NDRG2: variants seen among roughly 807,000 people sequenced by gnomAD.
NDRG2 encodes NDRG family member 2.
NDRG2 carries 34 observed loss-of-function variants against 58.2 expected under a neutral mutation model. That is an observed-to-expected ratio of 0.58 (90% CI 0.44 to 0.78). The LOEUF (loss-of-function observed/expected upper bound fraction) is 0.78. Among genes scored for constraint, NDRG2 ranks in the 30% least tolerant of loss-of-function variants. NDRG2 has a pLI of 0.00. For synonymous variants in NDRG2, 187 were observed against 175.9 expected (o/e 1.06, Z -0.50); for missense variants, 434 against 471.2 (o/e 0.92, Z 0.73).
rs762725656 is a variant in NDRG2 at position 21,022,413 on chromosome 14, A to G, written c.202T>C (p.Tyr68His). The G allele has an allele frequency of 6.2e-7, 1 of 1,613,770 alleles. No homozygotes were observed. Among genetic ancestry groups the G allele is most frequent in the Non-Finnish European group, 8.5e-7 (1 of 1,179,720 alleles). ...PKPKRPAILT[Y>H]HDVGLNYKSC... ...TTACAGTTGAGTCCCACATCGTGGTAGGTAAGGATCGCTGGGCGTTTGGGT... is the reference window on the plus strand; with the variant it reads ...TTACAGTTGAGTCCCACATCGTGGTGGGTAAGGATCGCTGGGCGTTTGGGT... Residue 68 changes from tyrosine to histidine, a missense_variant, in exon 4 of 16, where the codon TAC becomes CAC. Transcript: ENST00000556147.
chr14:21,018,567 G>T (rs1878236821), intron 12 of NDRG2, 63 bp from the exon 13 acceptor site: 5 of 1,592,382 alleles, frequency 3.1e-6, no homozygotes, highest in Non-Finnish European at 4.3e-6. Flanking sequence ...CCCCGTAAGG[G>T]ACCCAGGAAC....
intron 1 of NDRG2, among the ~76,000 whole-genome samples, chr14:21,041,099 T>C (rs1317461896): frequency 1.3e-5 from 2 of 152,090 alleles, no homozygotes; most frequent in Non-Finnish European, 2.9e-5. Flanking sequence ...GCTCAAGCAA[T>C]CCTCCCTCCT....
At position 21,022,154 on chromosome 14, in the gene NDRG2, C is replaced by T. The variant is rs1406160975; in HGVS notation, c.252G>A (p.Gln84=). Residue 84 remains glutamine, a synonymous_variant, in exon 5 of 16, where the codon CAG becomes CAA. Coordinates refer to ENST00000556147, the MANE Select transcript of NDRG2 (RefSeq NM_001320329.2). ...NYKSCFQPLF[Q]FEDMQEIIQN... is the part of the protein sequence containing the mutation. ...GAATGATTTCCTGCATGTCCTCGAA[C>T]TGAAACAGTGGCTGGAAGCAAGATT... is the stretch of plus-strand genomic sequence containing the variant. 1.9e-6 allele frequency: 3 copies of T among 1,614,074 alleles called. No homozygotes were observed. The highest frequency in any genetic ancestry group is 1.7e-6 in the Non-Finnish European group (2 of 1,180,058).
rs528214749 is a variant in NDRG2, at chr14:21,031,144, C to G, written c.25-7823G>C. On this transcript the variant is annotated intron_variant, in intron 1 of 14. Transcript: ENST00000403829. ...TTTATGGACTCATGGAGGGCAAAGACCCAGCCACCACTGGCGCTACTGTGA... is the reference window on the plus strand; with the variant it reads ...TTTATGGACTCATGGAGGGCAAAGAGCCAGCCACCACTGGCGCTACTGTGA... 5 of 1,613,946 alleles carry G rather than the reference C, an allele frequency of 3.1e-6. No individual in the cohort carries two copies. The East Asian group carries it at 1.1e-4, about 36-fold the overall frequency.
intron 1 of NDRG2, among the ~76,000 whole-genome samples, chr14:21,050,667 C>T (rs1005766250): frequency 6.6e-6 from 1 of 152,128 alleles, no homozygotes; most frequent in African/African-American, 2.4e-5. Context: ...ATAAAATAGC[C>T]GTGCATATGA....
chr14:21,023,234 T>C lies in NDRG2; in HGVS notation c.75+7A>G, dbSNP rs749617326. 6 of 1,613,506 alleles carry C rather than the reference T, an allele frequency of 3.7e-6. No homozygotes were observed. The highest frequency in any genetic ancestry group is 5.1e-6 in the Non-Finnish European group (6 of 1,179,598). On this transcript the variant is annotated splice_region_variant and intron_variant, in intron 2 of 15. Coordinates refer to ENST00000556147, the MANE Select transcript of NDRG2 (RefSeq NM_001320329.2). ...TTGGGCATGGGAGTCAAACGGTCTC[T>C]AATAACCTTGGCCGCCTCAGGCGTC...
intron 1 of NDRG2, among the ~76,000 whole-genome samples, chr14:21,050,936 G>A (rs1303079335): frequency 6.6e-6 from 1 of 152,066 alleles, no homozygotes; most frequent in Non-Finnish European, 1.5e-5. Context: ...TTTTATATAC[G>A]TTTTAAATTA....
In NDRG2 at chr14:21,017,698, G is replaced by A. The variant is rs771427840; in HGVS notation, c.1014C>T (p.Ser338=). The A allele has an allele frequency of 1.2e-5, 20 of 1,608,120 alleles. No individual in the cohort carries two copies. The East Asian group carries it at 2.5e-4, about 20-fold the overall frequency. The change falls in exon 16 of 16, where the codon TCC becomes TCT. Residue 338 remains serine (S), a synonymous_variant. Transcript: ENST00000556147. ...SRTASLTSAA[S]VDGNRSRSRT... is the part of the protein sequence containing the mutation. ...GAGAGCGGGACCGGTTGCCATCAAC[G>A]GATGCTGCACTGGTCAGAGAGGCTG...
At chr14:21,023,992 A>C (rs1237230530) in intron 1 of NDRG2, 38 bp downstream of exon 1, 1 of 985,776 alleles carries the variant, frequency 1.0e-6, no homozygotes, top group African/African-American at 1.7e-5. Flanking sequence ...AGACCTGCAC[A>C]GGAAGGAGCC....
chr14:21,057,543 TAA>T (rs1885728798), intron 1 of NDRG2, among the ~76,000 whole-genome samples: 1 of 150,994 alleles, frequency 6.6e-6, no homozygotes, highest in Admixed American at 6.7e-5. Context: ...AGGTCCTGGT[TAA>T]AATCTTGTAT....
At chr14:21,047,260 T>C (rs1407395692) in intron 1 of NDRG2, among the ~76,000 whole-genome samples, 1 of 152,182 alleles carries the variant, frequency 6.6e-6, no homozygotes, top group African/African-American at 2.4e-5. Flanking sequence ...AATTTCAATA[T>C]AATAATTTTT....
upstream of NDRG2, chr14:21,025,063 C>A: frequency 1.0e-6 from 1 of 986,204 alleles, no homozygotes; most frequent in Non-Finnish European, 1.2e-6. The surrounding 1 kb of genome is among the most constrained non-coding windows in gnomAD (Gnocchi z 5.1). Flanking sequence ...CCTTCACTTG[C>A]CTTTGACTCG....
At chr14:21,043,322 G>A (rs1224031978) in intron 1 of NDRG2, 1 of 1,614,148 alleles carries the variant, frequency 6.2e-7, no homozygotes, top group Non-Finnish European at 8.5e-7. Context: ...CCATGTGTAA[G>A]CTCACCTCAG....
intron 1 of NDRG2, among the ~76,000 whole-genome samples, chr14:21,057,304 T>G (rs866823434): frequency 6.6e-6 from 1 of 151,986 alleles, no homozygotes; most frequent in Non-Finnish European, 1.5e-5. Flanking sequence ...GGCGTGGTGG[T>G]GCATGCCTGT....
rs548485659 is a variant in NDRG2, at chr14:21,050,468, C to T, written c.24+20360G>A. ...AGCATTTATCTTTGGTAAGGGTTAC[C>T]ACTTTTTACCCTTGAATTTGGCATA... On this transcript the variant is annotated intron_variant, in intron 1 of 14. Transcript: ENST00000403829. 2.0e-5 allele frequency among the ~76,000 whole-genome samples: 3 copies of T among 152,224 alleles called. No homozygotes were observed. The South Asian group carries it at 6.2e-4, about 32-fold the overall frequency.
chr14:21,042,920 G>A, intron 1 of NDRG2: 1 of 1,302,610 alleles, frequency 7.7e-7, no homozygotes, highest in Non-Finnish European at 1.1e-6. Context: ...GGTATAAGAG[G>A]ACTAATTTCT....
rs189571513 is a variant in NDRG2 at position 21,041,957 on chromosome 14, C to T, written c.25-18636G>A. 9.5e-4 allele frequency among the ~76,000 whole-genome samples: 144 copies of T among 152,302 alleles called. 1 individual carries two copies. Among genetic ancestry groups the T allele is most frequent in the Admixed American group, 2.7e-3 (41 of 15,308 alleles). On this transcript the variant is annotated intron_variant, in intron 1 of 14. Transcript: ENST00000403829. ...CAGACAAAGCATCTTTCTAGGCTGT[C>T]CTATCTGTGCCTCAGGTCAGAGAAG...
At chr14:21,049,766 C>CT (rs113735552) in intron 1 of NDRG2, among the ~76,000 whole-genome samples, 4,819 of 139,024 alleles carry the variant, frequency 0.035, 170 homozygotes, top group African/African-American at 0.09. Flanking sequence ...CATCTTTCTT[C>CT]TTTTTTTTTT....
intron 14 of NDRG2, 55 bp from the exon 15 acceptor site, chr14:21,018,093 T>C: frequency 6.2e-7 from 1 of 1,604,886 alleles, no homozygotes. Flanking sequence ...GAGGAAGAGC[T>C]GGAGCCTGAG....
Sources: gnomAD v4.1 joint callset for allele counts (sites outside exome capture counted in the v4.1 genomes callset) on GRCh38, gnomAD v4.1.1 for gene constraint, Gnocchi (gnomAD v3.1) non-coding constraint, MANE v1.5 for transcripts, NCBI Gene and HGNC (gene_info 2026-07-23, HGNC 2026-07-21) for gene names.